The following LRRC4C variants were observed in gnomAD, a reference collection of about 807,000 sequenced individuals.
The protein encoded by LRRC4C is leucine rich repeat containing 4C, also known as leucine-rich repeat-containing protein 4C.
A neutral mutation model predicts 33.6 loss-of-function variants in LRRC4C; 5 were observed. That is an observed-to-expected ratio of 0.15 (90% CI 0.08 to 0.31). LRRC4C has a LOEUF of 0.31. LRRC4C is among the 10% of genes least tolerant of loss of function. The probability of loss-of-function intolerance (pLI) is 1.00; values close to 1 mark genes in which losing one functional copy is unlikely to be tolerated. For synonymous variants in LRRC4C, 329 were observed against 302.0 expected (o/e 1.09, Z -0.93); for missense variants, 560 against 796.7 (o/e 0.70, Z 3.58).
At chr11:41,243,220 A>G (rs1489919021) in intron 1 of LRRC4C, among the ~76,000 whole-genome samples, 2 of 152,220 alleles carry the variant, frequency 1.3e-5, no homozygotes, top group Admixed American at 6.5e-5. Context: ...AAAACCACTC[A>G]TCATAAAAGA....
At chr11:40,366,943 G>C (rs1042120105) in intron 3 of LRRC4C, among the ~76,000 whole-genome samples, 7 of 152,066 alleles carry the variant, frequency 4.6e-5, no homozygotes, top group African/African-American at 1.7e-4. Flanking sequence ...ATGGCAATTT[G>C]AGTTGAGTTA....
At chr11:40,225,614 T>G (rs1354551826) in intron 5 of LRRC4C, among the ~76,000 whole-genome samples, 1 of 102,876 alleles carries the variant, frequency 9.7e-6, no homozygotes, top group African/African-American at 2.7e-5. Flanking sequence ...ATTCTCTCTC[T>G]CTCTCTTTTT....
chr11:40,544,853 G>T (rs1163749578), intron 3 of LRRC4C, among the ~76,000 whole-genome samples: 4 of 151,636 alleles, frequency 2.6e-5, no homozygotes, highest in Admixed American at 6.6e-5. Context: ...TTCTATAAAG[G>T]GTTAATACAT....
intron 1 of LRRC4C, among the ~76,000 whole-genome samples, chr11:41,068,076 A>G (rs1373295499): frequency 6.6e-6 from 1 of 152,118 alleles, no homozygotes; most frequent in Non-Finnish European, 1.5e-5. Context: ...ACTGAAGGAG[A>G]AAGAGATATG....
chr11:40,539,207 C>G (rs1170332557), intron 3 of LRRC4C, among the ~76,000 whole-genome samples: 2 of 152,202 alleles, frequency 1.3e-5, no homozygotes, highest in Non-Finnish European at 2.9e-5. Context: ...TGCTTTCACA[C>G]TTAGTGTTGA....
At chr11:40,673,919 A>T (rs957213821) in intron 2 of LRRC4C, among the ~76,000 whole-genome samples, 1 of 152,160 alleles carries the variant, frequency 6.6e-6, no homozygotes, top group Non-Finnish European at 1.5e-5. Context: ...GCAATGCACC[A>T]TTGTATATTC....
chr11:40,720,980 G>T (rs1286634956), intron 2 of LRRC4C, among the ~76,000 whole-genome samples: 2 of 152,102 alleles, frequency 1.3e-5, no homozygotes, highest in African/African-American at 2.4e-5. Flanking sequence ...TTCATTATAG[G>T]AAGTGAAGAA....
intron 1 of LRRC4C, among the ~76,000 whole-genome samples, chr11:41,185,027 A>G (rs1945629344): frequency 6.6e-6 from 1 of 152,238 alleles, no homozygotes; most frequent in Middle Eastern, 3.4e-3. Context: ...TGCGAACAGC[A>G]TGGGAAAGAC....
intron 4 of LRRC4C, among the ~76,000 whole-genome samples, chr11:40,256,682 CT>C (rs1204573186): frequency 1.3e-5 from 2 of 152,138 alleles, no homozygotes; most frequent in African/African-American, 4.8e-5. Flanking sequence ...TACAATACCC[CT>C]TTATCTTATC....
intron 4 of LRRC4C, among the ~76,000 whole-genome samples, chr11:40,275,746 C>T (rs1943055090): frequency 6.6e-6 from 1 of 152,020 alleles, no homozygotes; most frequent in South Asian, 2.1e-4. Context: ...GAAAACCTAA[C>T]AAAAAAGTCA....
chr11:40,729,023 T>C (rs1174405842), intron 2 of LRRC4C, among the ~76,000 whole-genome samples: 1 of 152,090 alleles, frequency 6.6e-6, no homozygotes, highest in Non-Finnish European at 1.5e-5. Context: ...AAATTTTCTA[T>C]TGAATATTAT....
chr11:40,384,326 T>C (rs564229996), intron 3 of LRRC4C, among the ~76,000 whole-genome samples: 2 of 152,296 alleles, frequency 1.3e-5, no homozygotes, highest in East Asian at 3.9e-4. Context: ...ATTGAAATCT[T>C]CTTTCTTGTA....
At chr11:40,421,950 C>T (rs189295776) in intron 3 of LRRC4C, among the ~76,000 whole-genome samples, 68 of 152,314 alleles carry the variant, frequency 4.5e-4, no homozygotes, top group Non-Finnish European at 7.5e-4. Flanking sequence ...ATCCTCCTTG[C>T]GGAGTTGAAA....
intron 1 of LRRC4C, among the ~76,000 whole-genome samples, chr11:41,280,421 C>T (rs1949625841): frequency 6.6e-6 from 1 of 152,134 alleles, no homozygotes; most frequent in East Asian, 1.9e-4. Context: ...ATTTGTGACC[C>T]CATGCTCATG....
At chr11:40,278,247 G>T (rs986589786) in intron 4 of LRRC4C, among the ~76,000 whole-genome samples, 1 of 152,112 alleles carries the variant, frequency 6.6e-6, no homozygotes, top group African/African-American at 2.4e-5. Flanking sequence ...TGCCTATGAA[G>T]AAGAAAAAGA....
At chr11:40,270,435 G>T (rs1369873040) in intron 4 of LRRC4C, among the ~76,000 whole-genome samples, 1 of 151,750 alleles carries the variant, frequency 6.6e-6, no homozygotes, top group East Asian at 1.9e-4. Flanking sequence ...CAGTCATTTT[G>T]CATTAGGGCC....
At chr11:41,037,615 T>C (rs534657612) in intron 1 of LRRC4C, among the ~76,000 whole-genome samples, 1 of 124,208 alleles carries the variant, frequency 8.1e-6, no homozygotes, top group East Asian at 2.8e-4. Flanking sequence ...CACTAAGACA[T>C]TTGCTCATAC....
chr11:40,817,280 TAAAAA>T (rs749471486), intron 2 of LRRC4C, among the ~76,000 whole-genome samples: 1 of 151,956 alleles, frequency 6.6e-6, no homozygotes, highest in Non-Finnish European at 1.5e-5. Flanking sequence ...CATAATAAAA[TAAAAA>T]GAGAGAGAAG....
rs747811503 is a variant in LRRC4C, at chr11:40,735,736, TG to T, written c.-406-87459del. The stretch of plus-strand genomic sequence containing the variant: ...CTAGATCCCTGAGGAATCACCGCAC[TG>T]ACTTCCACAATGGTTGAACTAGTTT... On this transcript the variant is annotated intron_variant, in intron 2 of 6. Transcript: ENST00000528697. Among the ~76,000 whole-genome samples the T allele has an allele frequency of 2.0e-3, 294 of 149,452 alleles. 7 individuals carry two copies. Among genetic ancestry groups the T allele is most frequent in the Non-Finnish European group, 3.7e-4 (25 of 67,330 alleles).
Sources: allele counts gnomAD v4.1 joint callset (sites outside exome capture counted in the v4.1 genomes callset), GRCh38; gene constraint gnomAD v4.1.1; transcripts MANE v1.5; gene names NCBI Gene and HGNC (gene_info 2026-07-23, HGNC 2026-07-21).